Variants in OAT observed in about 807,000 individuals in gnomAD.
OAT encodes the protein ornithine aminotransferase, also known as ornithine aminotransferase, mitochondrial.
In OAT, 35 loss-of-function variants were observed where a neutral mutation model predicts 48.4. The observed-to-expected ratio is 0.72, with a 90% CI of 0.55 to 0.96. The LOEUF (loss-of-function observed/expected upper bound fraction) is 0.96. Ranked by LOEUF, OAT falls within the 40% of genes least tolerant of loss-of-function variation. The probability of loss-of-function intolerance (pLI) is 0.00; values close to 1 mark genes in which losing one functional copy is unlikely to be tolerated. For synonymous variants in OAT, 182 were observed against 198.4 expected (o/e 0.92, Z 0.70); for missense variants, 438 against 537.9 (o/e 0.81, Z 1.84).
In OAT at chr10:124,397,894, C is replaced by T. The variant is rs1022159093; in HGVS notation, c.*48G>A. ...TAGGAATAAAGCTTTTACAGGACCA[C>T]CTGTCTCCAGCTGGCTCCCAGGGAC... is the stretch of plus-strand genomic sequence containing the variant. On this transcript the variant is annotated 3_prime_UTR_variant, in exon 10 of 10. Transcript: ENST00000368845. 2.9e-5 allele frequency: 46 copies of T among 1,610,972 alleles called. No homozygotes were observed. The highest frequency in any genetic ancestry group is 3.7e-5 in the Non-Finnish European group (43 of 1,177,868).
At chr10:124,412,975 G>A (rs1223393905) in intron 1 of OAT, among the ~76,000 whole-genome samples, 1 of 152,136 alleles carries the variant, frequency 6.6e-6, no homozygotes, top group East Asian at 1.9e-4. Flanking sequence ...AATCAGAGAA[G>A]ACTGCCAGAG....
chr10:124,401,910 G>T (rs776281277), intron 7 of OAT, 71 bp from the exon 8 acceptor site: 2 of 1,130,858 alleles, frequency 1.8e-6, no homozygotes, highest in South Asian at 1.3e-5. Context: ...TTTCCCCAGA[G>T]TCTCGCTGTC....
chr10:124,401,750 G>A lies in OAT; in HGVS notation c.990C>T (p.Cys330=), dbSNP rs749570944. ...CCTCAAGGGCTGCGATGGCCACTCGGCAGCCTAGTGGATTGCCACCGTATG... is the reference window on the plus strand; with the variant it reads ...CCTCAAGGGCTGCGATGGCCACTCGACAGCCTAGTGGATTGCCACCGTATG... ...GSTYGGNPLG[C]RVAIAALEVL... is the part of the protein sequence containing the mutation. The change falls in exon 8 of 10, where the codon TGC becomes TGT. Residue 330 remains cysteine, a synonymous_variant. Coordinates refer to ENST00000368845, the MANE Select transcript of OAT (RefSeq NM_000274.4). 1 of 1,612,818 alleles carries A rather than the reference G, an allele frequency of 6.2e-7. No individual in the cohort carries two copies.
At position 124,403,078 on chromosome 10, in the gene OAT, CT is replaced by C. The variant is rs772165852; in HGVS notation, c.772-24del. The C allele has an allele frequency of 6.8e-5, 109 of 1,613,182 alleles. 1 individual carries two copies. The highest frequency in any genetic ancestry group is 6.6e-4 in the Middle Eastern group (4 of 6,084). On this transcript the variant is annotated intron_variant, in intron 6 of 9. Transcript: ENST00000368845. Reference sequence around the variant, plus strand: ...AACCTATTGGGGAAAAAAAATACCCCTATTAGTGATCACTTTCGTTTCCACA... The same window carrying C: ...AACCTATTGGGGAAAAAAAATACCCCATTAGTGATCACTTTCGTTTCCACA...
chr10:124,412,304 A>C, intron 1 of OAT, 104 bp from the exon 2 acceptor site: 2 of 847,838 alleles, frequency 2.4e-6, no homozygotes, highest in Admixed American at 2.1e-5. Flanking sequence ...TGAGCCCAGG[A>C]GTTTGAGACC....
At chr10:124,408,477 T>C in intron 4 of OAT, 65 bp downstream of exon 4, 1 of 1,419,990 alleles carries the variant, frequency 7.0e-7, no homozygotes, top group Non-Finnish European at 9.9e-7. Context: ...TGAGCCACCA[T>C]GCCTGGCCAC....
intron 5 of OAT, among the ~76,000 whole-genome samples, 151 bp downstream of exon 5, chr10:124,405,281 CTAAT>C (rs2134464376): frequency 6.6e-6 from 1 of 152,312 alleles, no homozygotes; most frequent in East Asian, 1.9e-4. Context: ...GTGTTGGAAA[CTAAT>C]TGATCGCTAC....
rs941613579 is a variant in OAT, at chr10:124,398,187, C to T, written c.1160-85G>A. The T allele has an allele frequency of 4.1e-6, 6 of 1,466,944 alleles. No individual in the cohort carries two copies. The African/African-American group carries it at 7.0e-5, about 17-fold the overall frequency. The allele number at this position is 1,466,944 out of a possible 1,614,324, so 90.9% of individuals were successfully genotyped here. The stretch of plus-strand genomic sequence containing the variant: ...TATGTATGGGCAAAGTGCAGCCTGG[C>T]AAAACAAAATTAACAGAACTTGCTC... On this transcript the variant is annotated intron_variant, in intron 9 of 9. Coordinates refer to ENST00000368845, the MANE Select transcript of OAT (RefSeq NM_000274.4).
chr10:124,418,420 C>T (rs894557454), intron 1 of OAT, among the ~76,000 whole-genome samples: 2 of 152,212 alleles, frequency 1.3e-5, no homozygotes, highest in Non-Finnish European at 2.9e-5. Context: ...TGCCCAAAGG[C>T]CTCCTACCCG....
chr10:124,397,776 G>T lies in OAT; in HGVS notation c.*166C>A. On this transcript the variant is annotated 3_prime_UTR_variant, in exon 10 of 10. Transcript: ENST00000368845. ...AGTTACGTTACAAAGCAAACGGCAGGTTCATAAACGTTGTTCTATTATGTA... is the reference window on the plus strand; with the variant it reads ...AGTTACGTTACAAAGCAAACGGCAGTTTCATAAACGTTGTTCTATTATGTA... 1.5e-6 allele frequency: 1 copy of T among 676,558 alleles called. No individual in the cohort carries two copies. Among genetic ancestry groups the T allele is most frequent in the Non-Finnish European group, 2.5e-6 (1 of 395,682 alleles). 41.9% of individuals were successfully genotyped at this position (676,558 alleles called of 1,614,324 possible). A position where few individuals can be genotyped will look rare whatever the true frequency, so the allele number is the denominator to read the frequency against.
intron 6 of OAT, 188 bp from the exon 7 acceptor site, chr10:124,403,243 C>T: frequency 1.5e-6 from 1 of 672,020 alleles, no homozygotes; most frequent in Non-Finnish European, 2.6e-6. Flanking sequence ...GACTCACCAA[C>T]TATTTCCTTT....
intron 4 of OAT, chr10:124,405,783 T>G: frequency 6.0e-6 from 8 of 1,335,986 alleles, no homozygotes; most frequent in Non-Finnish European, 7.7e-6. Context: ...ATTCCTATTT[T>G]AGGCATTTCT....
In OAT at chr10:124,413,501, T is replaced by C. The variant is rs191956478; in HGVS notation, c.-29-1301A>G. Among the ~76,000 whole-genome samples, 237 of 152,172 alleles carry C rather than the reference T, an allele frequency of 1.6e-3. 2 individuals are homozygous for C. The highest frequency in any genetic ancestry group is 5.5e-3 in the African/African-American group (230 of 41,502). The stretch of plus-strand genomic sequence containing the variant: ...GAGTTCGAGACCAGCCTGACCAACA[T>C]GGAGAAACCCCGTCTCTACTGAAAA... On this transcript the variant is annotated intron_variant, in intron 1 of 9. Coordinates refer to ENST00000368845, the MANE Select transcript of OAT (RefSeq NM_000274.4).
intron 4 of OAT, among the ~76,000 whole-genome samples, chr10:124,408,155 A>C (rs551223768): frequency 6.6e-6 from 1 of 152,204 alleles, no homozygotes; most frequent in South Asian, 2.1e-4. Flanking sequence ...GAAATCCCTC[A>C]TAAATTTTTA....
intron 1 of OAT, 50 bp downstream of exon 1, chr10:124,418,823 C>A (rs1164210302): frequency 6.6e-6 from 1 of 152,328 alleles, no homozygotes; most frequent in East Asian, 1.9e-4. Flanking sequence ...TCAGGGAACC[C>A]CGGCCAGGGC....
intron 2 of OAT, among the ~76,000 whole-genome samples, chr10:124,409,423 T>C (rs1951688750): frequency 2.0e-5 from 3 of 151,988 alleles, no homozygotes; most frequent in Admixed American, 2.0e-4. Flanking sequence ...GGCATGGTAG[T>C]GCGCGCGTAT....
In OAT at chr10:124,403,970, T is replaced by G. The variant is rs1327826773; in HGVS notation, c.649-50A>C. 3 of 1,610,328 alleles carry G rather than the reference T, an allele frequency of 1.9e-6. No individual in the cohort carries two copies. The African/African-American group carries it at 4.0e-5, about 22-fold the overall frequency. On this transcript the variant is annotated intron_variant, in intron 5 of 9. Coordinates refer to ENST00000368845, the MANE Select transcript of OAT (RefSeq NM_000274.4). ...TTAATAACTTCCTTTCTACCACACT[T>G]GGAAATCTGAAAGCATATACCACAC...
At chr10:124,405,891 G>C in intron 4 of OAT, 1 of 1,188,010 alleles carries the variant, frequency 8.4e-7, no homozygotes, top group Non-Finnish European at 1.1e-6. Context: ...CCTAACAATT[G>C]AGGTCTTGAA....
rs1310896368 is a variant in OAT at position 124,408,957 on chromosome 10, A to AGAT, written c.207_208insATC (p.Tyr69_Leu70insIle). 1 of 1,610,906 alleles carries AGAT rather than the reference A, an allele frequency of 6.2e-7. No individual in the cohort carries two copies. The highest frequency in any genetic ancestry group is 8.5e-7 in the Non-Finnish European group (1 of 1,177,096). On this transcript the variant is annotated inframe_insertion, in exon 3 of 10. Coordinates refer to ENST00000368845, the MANE Select transcript of OAT (RefSeq NM_000274.4). ...TATTTTCTGCCTTCTACATCCCATA[A>AGAT]GTAAATACCTAAAATACATAAGAAA...
Sources: allele counts gnomAD v4.1 joint callset (sites outside exome capture counted in the v4.1 genomes callset), GRCh38; gene constraint gnomAD v4.1.1; transcripts MANE v1.5; gene names NCBI Gene and HGNC (gene_info 2026-07-23, HGNC 2026-07-21).